The following SUCLG2 variants were observed in gnomAD, a reference collection of about 807,000 sequenced individuals.
SUCLG2 encodes the protein succinate-CoA ligase GDP-forming subunit beta, also known as succinate--CoA ligase [GDP-forming] subunit beta, mitochondrial.
In SUCLG2, 42 loss-of-function variants were observed where a neutral mutation model predicts 47.9. That is an observed-to-expected ratio of 0.88 (90% CI 0.69 to 1.14). The LOEUF (loss-of-function observed/expected upper bound fraction) is 1.14. SUCLG2 is among the 50% of genes most tolerant of loss of function. SUCLG2 has a pLI of 0.00. For missense variants in SUCLG2, 571 were observed against 525.9 expected (o/e 1.09, Z -0.84); for synonymous variants, 195 against 197.3 (o/e 0.99, Z 0.10).
intron 2 of SUCLG2, among the ~76,000 whole-genome samples, chr3:67,569,540 A>T (rs1707555375): frequency 6.6e-6 from 1 of 152,238 alleles, no homozygotes; most frequent in Non-Finnish European, 1.5e-5. Context: ...AAAGAGAATT[A>T]TTCTCAAGCC....
At chr3:67,362,075 C>T (rs1387375244) in intron 10 of SUCLG2, among the ~76,000 whole-genome samples, 1 of 152,198 alleles carries the variant, frequency 6.6e-6, no homozygotes, top group Non-Finnish European at 1.5e-5. Flanking sequence ...CTCCCAGACT[C>T]ATAAGCAAAA....
At chr3:67,448,103 T>C (rs75358002) in intron 9 of SUCLG2, among the ~76,000 whole-genome samples, 7,356 of 152,258 alleles carry the variant, frequency 0.048, 235 homozygotes, top group South Asian at 0.096. Flanking sequence ...CTTCTAACAA[T>C]TTATCAGAAA....
intron 2 of SUCLG2, among the ~76,000 whole-genome samples, chr3:67,599,806 T>A (rs1708378149): frequency 6.6e-6 from 1 of 152,024 alleles, no homozygotes; most frequent in South Asian, 2.1e-4. Flanking sequence ...CGATGTTGAA[T>A]GAAAGAAAAA....
intron 10 of SUCLG2, among the ~76,000 whole-genome samples, chr3:67,384,615 T>C (rs1453741496): frequency 6.6e-6 from 1 of 152,210 alleles, no homozygotes; most frequent in Non-Finnish European, 1.5e-5. Context: ...AGAATCATCT[T>C]CATCTGGTGT....
At chr3:67,583,937 T>G (rs1295601322) in intron 2 of SUCLG2, among the ~76,000 whole-genome samples, 1 of 152,216 alleles carries the variant, frequency 6.6e-6, no homozygotes, top group Non-Finnish European at 1.5e-5. Flanking sequence ...GATCTTAAGG[T>G]CAACTGCATA....
intron 1 of SUCLG2, among the ~76,000 whole-genome samples, chr3:67,634,141 C>T (rs564572302): frequency 1.3e-5 from 2 of 152,324 alleles, no homozygotes; most frequent in South Asian, 4.1e-4. Flanking sequence ...CATGATCCTG[C>T]ATCGTCTAGC....
At position 67,609,540 on chromosome 3, in the gene SUCLG2, T is replaced by TG. The variant is rs1396978399; in HGVS notation, c.140_141insC (p.Lys47AsnfsTer5). On this transcript the variant is annotated frameshift_variant, in exon 2 of 11. Coordinates refer to ENST00000307227, the MANE Select transcript of SUCLG2 (RefSeq NM_003848.4). LOFTEE classifies it high-confidence loss of function. ...CTCTCACTCCGTTGTCAGACATCAG[T>TG]TTCTTGCTCTGGTATTCCTGCAGGT... The TG allele has an allele frequency of 1.2e-6, 2 of 1,613,934 alleles. No homozygotes were observed. The highest frequency in any genetic ancestry group is 3.3e-5 in the Admixed American group (2 of 59,994).
At chr3:67,372,219 G>C (rs1386885943), downstream of SUCLG2, among the ~76,000 whole-genome samples, 1 of 152,162 alleles carries the variant, frequency 6.6e-6, no homozygotes, top group Non-Finnish European at 1.5e-5. Context: ...AGTTTTACTG[G>C]ACAATAGAAG....
chr3:67,651,797 A>T (rs1056150316), intron 1 of SUCLG2, among the ~76,000 whole-genome samples: 15 of 152,308 alleles, frequency 9.8e-5, no homozygotes, highest in Non-Finnish European at 1.5e-4. Context: ...TCAAAAACAC[A>T]CCATATCAAA....
chr3:67,513,697 C>T (rs1325468879), intron 6 of SUCLG2, among the ~76,000 whole-genome samples: 2 of 152,302 alleles, frequency 1.3e-5, no homozygotes, highest in Non-Finnish European at 2.9e-5. Flanking sequence ...TGCAGTCAGT[C>T]GCTTACTACT....
intron 9 of SUCLG2, among the ~76,000 whole-genome samples, chr3:67,426,835 G>T (rs72918956): frequency 0.029 from 4,363 of 152,182 alleles, 212 homozygotes; most frequent in African/African-American, 0.099. Flanking sequence ...GGCTGAGGAG[G>T]GGAATCACTT....
chr3:67,543,002 T>C (rs1160200704), intron 2 of SUCLG2, among the ~76,000 whole-genome samples: 4 of 152,164 alleles, frequency 2.6e-5, no homozygotes, highest in African/African-American at 9.7e-5. Context: ...CCACCCCCAA[T>C]CAACAGAATA....
At chr3:67,496,111 A>G (rs956179293) in intron 8 of SUCLG2, among the ~76,000 whole-genome samples, 171 bp from the exon 9 acceptor site, 2 of 152,248 alleles carry the variant, frequency 1.3e-5, no homozygotes, top group African/African-American at 4.8e-5. Context: ...TTTAGGATAA[A>G]GAATCAGGAC....
intron 10 of SUCLG2, among the ~76,000 whole-genome samples, chr3:67,380,381 A>C (rs962474725): frequency 2.0e-4 from 31 of 152,036 alleles, no homozygotes; most frequent in African/African-American, 7.5e-4. Flanking sequence ...CCAGGGAAGA[A>C]AGGGGACGGA....
chr3:67,468,442 C>G (rs1310921727), intron 9 of SUCLG2, among the ~76,000 whole-genome samples: 1 of 152,156 alleles, frequency 6.6e-6, no homozygotes, highest in Admixed American at 6.5e-5. Flanking sequence ...ACTGCTCTAA[C>G]AGAAGATGGC....
At chr3:67,605,339 C>G (rs188538426) in intron 2 of SUCLG2, among the ~76,000 whole-genome samples, 3 of 152,216 alleles carry the variant, frequency 2.0e-5, no homozygotes, top group Admixed American at 2.0e-4. Context: ...TTTGCTCTCT[C>G]CAGGTAATCT....
chr3:67,559,467 T>G (rs1707250212), intron 2 of SUCLG2, among the ~76,000 whole-genome samples: 1 of 151,986 alleles, frequency 6.6e-6, no homozygotes, highest in African/African-American at 2.4e-5. Context: ...GTGCCACACT[T>G]TAAAACCATC....
intron 10 of SUCLG2, among the ~76,000 whole-genome samples, chr3:67,381,092 G>A (rs897618908): frequency 1.3e-5 from 2 of 152,046 alleles, no homozygotes; most frequent in South Asian, 2.1e-4. Flanking sequence ...TCAGAGGACC[G>A]CTTGAGCACA....
At position 67,520,643 on chromosome 3, in the gene SUCLG2, T is replaced by C; in HGVS notation, c.418-9A>G. ...GCTTCAGCAACCATCACCTACCACA[T>C]TAGTGGGAAAGTCAAATTAATTCAG... On this transcript the variant is annotated splice_polypyrimidine_tract_variant and intron_variant, in intron 4 of 10. Coordinates refer to ENST00000307227, the MANE Select transcript of SUCLG2 (RefSeq NM_003848.4). 6.3e-7 allele frequency: 1 copy of C among 1,597,768 alleles called. No individual in the cohort carries two copies.
Sources: gnomAD v4.1 joint callset for allele counts (sites outside exome capture counted in the v4.1 genomes callset) on GRCh38, gnomAD v4.1.1 for gene constraint, MANE v1.5 for transcripts, NCBI Gene and HGNC (gene_info 2026-07-23, HGNC 2026-07-21) for gene names.